Variants in GNAT2 observed in about 807,000 individuals in gnomAD.
GNAT2 encodes the protein G protein subunit alpha transducin 2.
Under a neutral mutation model 40.9 loss-of-function variants are expected in GNAT2, and 32 were observed. The ratio of observed to expected loss-of-function variants is 0.78; its 90% CI spans 0.59 to 1.05. GNAT2 has a LOEUF of 1.05. Ranked by LOEUF, GNAT2 falls within the 50% of genes least tolerant of loss-of-function variation. The pLI is 0.00. For synonymous variants in GNAT2, 141 were observed against 157.2 expected, an observed-to-expected ratio of 0.90 and a Z score of 0.77; for missense variants, 355 against 431.5, an observed-to-expected ratio of 0.82 and a Z score of 1.57.
intron 7 of GNAT2, 127 bp from the exon 8 acceptor site, chr1:109,604,231 T>C: frequency 1.3e-6 from 1 of 753,584 alleles, no homozygotes; most frequent in Non-Finnish European, 2.4e-6. Context: ...GAACAGCTTA[T>C]CTCAATGTAC....
In GNAT2 at chr1:109,610,707, A is replaced by C. The variant is rs1057421467; in HGVS notation, c.119-200T>G. 2.7e-5 allele frequency: 17 copies of C among 638,774 alleles called. No individual in the cohort carries two copies. In the East Asian group the frequency reaches 4.7e-4, roughly 18 times the overall value. 39.6% of individuals were successfully genotyped at this position (638,774 alleles called of 1,614,324 possible). ...GGATTTAGAGCAGTTTCTTAACTTC[A>C]GTACTATTTAGTTTGGGCTGTCTCA... On this transcript the variant is annotated intron_variant, in intron 2 of 8. Transcript: ENST00000679935.
At position 109,610,464 on chromosome 1, in the gene GNAT2, C is replaced by A. The variant is rs140603860; in HGVS notation, c.161+1G>T. The A allele has an allele frequency of 1.2e-6, 2 of 1,613,626 alleles. No individual in the cohort carries two copies. Among genetic ancestry groups the A allele is most frequent in the Non-Finnish European group, 1.7e-6 (2 of 1,179,550 alleles). Reference sequence around the variant, plus strand: ...TCTTTTGGGGCTTTGTTTCTACTCACTTCATCTGTTTGACGATGGTGCTCT... The same window carrying A: ...TCTTTTGGGGCTTTGTTTCTACTCAATTCATCTGTTTGACGATGGTGCTCT... On this transcript the variant is annotated splice_donor_variant, in intron 3 of 8. Transcript: ENST00000679935. LOFTEE classifies it high-confidence loss of function.
intron 3 of GNAT2, 76 bp from the exon 4 acceptor site, chr1:109,610,257 T>A: frequency 6.8e-7 from 1 of 1,480,846 alleles, no homozygotes; most frequent in Non-Finnish European, 9.4e-7. Context: ...TGGGGGTATT[T>A]AAAGGATCAT....
At chr1:109,618,919 G>A (rs574775440) in intron 1 of GNAT2, among the ~76,000 whole-genome samples, 1 of 152,314 alleles carries the variant, frequency 6.6e-6, no homozygotes, top group Non-Finnish European at 1.5e-5. Context: ...TCTGCTGTGG[G>A]AGTGGTAAGA....
rs1649836321 is a variant in GNAT2 at position 109,612,778 on chromosome 1, G to A, written c.93C>T (p.Ala31=). 1 of 1,607,930 alleles carries A rather than the reference G, an allele frequency of 6.2e-7. No homozygotes were observed. Among genetic ancestry groups the A allele is most frequent in the Non-Finnish European group, 8.5e-7 (1 of 1,174,396 alleles). Residue 31 remains alanine, a synonymous_variant, in exon 2 of 9, where the codon GCC becomes GCT. Transcript: ENST00000679935. ...CCAGCAGTAGCAGCTTGACAGTCTT[G>A]GCTTCCTTATCAGCATCCTCCTGCA... ...KKLQEDADKE[A]KTVKLLLLGA...
At chr1:109,605,009 T>C (rs1649549818) in intron 7 of GNAT2, 1 of 152,270 alleles carries the variant, frequency 6.6e-6, no homozygotes, top group Non-Finnish European at 1.5e-5. Context: ...TGAATAGCTC[T>C]GTAAGACATT....
Position 109,606,049 on chromosome 1 carries a change from C to A in GNAT2, c.641G>T (p.Cys214Phe). 1 of 1,611,364 alleles carries A rather than the reference C, an allele frequency of 6.2e-7. No individual in the cohort carries two copies. Among genetic ancestry groups the A allele is most frequent in the Non-Finnish European group, 8.5e-7 (1 of 1,177,426 alleles). Residue 214 changes from cysteine to phenylalanine, a missense_variant, in exon 7 of 9, where the codon TGC (cysteine) becomes TTC (phenylalanine). Cys to Phe is a radical substitution (Grantham distance 205). Transcript: ENST00000679935. ...AATGATGCAGGTGACTCCCTCGAAG[C>A]AGTGGATCCACTTCTTTCTCTCGGA... The part of the protein sequence containing the change: ...QRSERKKWIH[C>F]FEGVTCIIFC...
intron 3 of GNAT2, 32 bp from the exon 4 acceptor site, chr1:109,610,213 G>C (rs767431191): frequency 7.4e-6 from 12 of 1,611,380 alleles, no homozygotes; most frequent in Non-Finnish European, 1.0e-5. Flanking sequence ...TCTTTAGCTG[G>C]ACCTGAGTAA....
rs1452869796 is a variant in GNAT2 at position 109,604,028 on chromosome 1, A to G, written c.797T>C (p.Leu266Pro). The part of the protein sequence containing the change: ...HKFFAATSIV[L>P]FLNKKDLFEE... ...AAAGAGGTCCTTCTTGTTGAGAAAG[A>G]GGACAATGGAAGTAGCCGCAAAGAA... Residue 266 changes from leucine (L) to proline (P), a missense_variant, in exon 8 of 9, where the codon CTC becomes CCC. Transcript: ENST00000679935. The G allele has an allele frequency of 8.7e-6, 14 of 1,608,932 alleles. No homozygotes were observed. Among genetic ancestry groups the G allele is most frequent in the African/African-American group, 1.3e-5 (1 of 74,832 alleles).
chr1:109,606,188 A>C (rs751935808), intron 6 of GNAT2, 89 bp from the exon 7 acceptor site: 10 of 1,567,838 alleles, frequency 6.4e-6, no homozygotes, highest in Non-Finnish European at 7.9e-6. Context: ...GGAGAGGAAA[A>C]GGGGGAGAAG....
intron 5 of GNAT2, chr1:109,608,361 CTT>C (rs1649674392): frequency 5.8e-6 from 3 of 516,700 alleles, no homozygotes; most frequent in East Asian, 3.6e-5. Flanking sequence ...CAGAACACGT[CTT>C]TTGAATTTTG....
At chr1:109,609,259 C>G (rs1361192001) in intron 4 of GNAT2, 1 of 192,252 alleles carries the variant, frequency 5.2e-6, no homozygotes, top group Non-Finnish European at 1.1e-5. Flanking sequence ...GGCCAGGAAC[C>G]CAAGGGTAGC....
At chr1:109,617,366 T>G (rs1365339092) in intron 1 of GNAT2, 1 of 152,140 alleles carries the variant, frequency 6.6e-6, no homozygotes, top group Non-Finnish European at 1.5e-5. Context: ...TAAGGAGCCA[T>G]GTGGGGAACA....
chr1:109,612,961 T>C, intron 1 of GNAT2, 38 bp from the exon 2 acceptor site: 2 of 894,448 alleles, frequency 2.2e-6, no homozygotes, highest in South Asian at 1.3e-5. Context: ...AAAGTTGGGA[T>C]TGAGTATCCC....
In GNAT2 at chr1:109,603,209, T is replaced by C. The variant is rs1156328869; in HGVS notation, c.*145A>G. 1.5e-6 allele frequency: 1 copy of C among 681,048 alleles called. No individual in the cohort carries two copies. The highest frequency in any genetic ancestry group is 2.7e-6 in the Non-Finnish European group (1 of 374,118). 42.2% of individuals were successfully genotyped at this position (681,048 alleles called of 1,614,324 possible). On this transcript the variant is annotated 3_prime_UTR_variant, in exon 9 of 9. Transcript: ENST00000679935. The stretch of plus-strand genomic sequence containing the variant: ...GCTATCCCACTTTGAAAAGAACGTA[T>C]GAAATACAGTTGCAGTCATGTATAC...
chr1:109,606,680 A>ATC (rs1346941675), intron 5 of GNAT2: 16 of 468,178 alleles, frequency 3.4e-5, no homozygotes, highest in South Asian at 6.2e-5. Flanking sequence ...ATCAAGTTAG[A>ATC]TAAGTTTTCC....
intron 4 of GNAT2, chr1:109,609,000 G>T (rs1649707726): frequency 3.2e-6 from 2 of 615,726 alleles, no homozygotes; most frequent in Admixed American, 2.4e-5. Flanking sequence ...CAGCCCTGGG[G>T]TGTGTCTAAA....
At chr1:109,610,262 G>C in intron 3 of GNAT2, 81 bp from the exon 4 acceptor site, 2 of 1,470,828 alleles carry the variant, frequency 1.4e-6, no homozygotes, top group Non-Finnish European at 1.9e-6. Flanking sequence ...GTATTTAAAG[G>C]ATCATAAGAA....
intron 7 of GNAT2, chr1:109,605,761 TC>T (rs1386752771): frequency 8.8e-5 from 47 of 535,202 alleles, no homozygotes; most frequent in African/African-American, 7.4e-4. Flanking sequence ...AAGCTCACTG[TC>T]AGTAAATTTG....
Sources: allele counts gnomAD v4.1 joint callset (sites outside exome capture counted in the v4.1 genomes callset), GRCh38; gene constraint gnomAD v4.1.1; transcripts MANE v1.5; gene names NCBI Gene and HGNC (gene_info 2026-07-23, HGNC 2026-07-21).